Variants in MGAT4C observed in about 807,000 individuals in gnomAD.
MGAT4C encodes MGAT4 family member C.
MGAT4C carries 19 observed loss-of-function variants against 40.1 expected under a neutral mutation model. That is an observed-to-expected ratio of 0.47 (90% CI 0.33 to 0.70). The LOEUF is 0.70. Among genes scored for constraint, MGAT4C ranks in the 30% least tolerant of loss-of-function variants. The pLI, the probability that MGAT4C is intolerant of heterozygous loss-of-function variation, is 0.02. For synonymous variants in MGAT4C, 181 were observed against 187.1 expected (o/e 0.97, Z 0.27); for missense variants, 491 against 563.2 (o/e 0.87, Z 1.30).
At chr12:86,791,864 C>A (rs749473524) in intron 1 of MGAT4C, among the ~76,000 whole-genome samples, 2 of 152,140 alleles carry the variant, frequency 1.3e-5, no homozygotes, top group Non-Finnish European at 2.9e-5. Context: ...AGAGAAGAAC[C>A]CAACTTCATG....
chr12:86,326,241 A>G (rs969899173), intron 4 of MGAT4C, among the ~76,000 whole-genome samples: 3 of 151,840 alleles, frequency 2.0e-5, no homozygotes, highest in Non-Finnish European at 4.4e-5. Context: ...GACTATAGTT[A>G]ATAATGTAGT....
chr12:86,539,465 A>G (rs1959135307), intron 2 of MGAT4C, among the ~76,000 whole-genome samples: 2 of 152,186 alleles, frequency 1.3e-5, no homozygotes, highest in African/African-American at 4.8e-5. Context: ...GCCATTGTGA[A>G]TAGTGCCGCA....
At chr12:86,152,312 G>T (rs1458941738) in intron 1 of MGAT4C, among the ~76,000 whole-genome samples, 1 of 152,220 alleles carries the variant, frequency 6.6e-6, no homozygotes, top group Admixed American at 6.5e-5. Flanking sequence ...CAGGTTCAGT[G>T]TCTGGTGAGA....
At chr12:86,533,745 AC>A (rs1044794053) in intron 2 of MGAT4C, among the ~76,000 whole-genome samples, 2 of 151,530 alleles carry the variant, frequency 1.3e-5, no homozygotes, top group Non-Finnish European at 2.9e-5. Context: ...TGACTGATGG[AC>A]CCCCCTTTAG....
intron 2 of MGAT4C, among the ~76,000 whole-genome samples, chr12:86,008,211 G>A (rs1159885771): frequency 1.3e-5 from 2 of 151,828 alleles, no homozygotes; most frequent in Non-Finnish European, 2.9e-5. Flanking sequence ...AATTTCTACT[G>A]AAAAACTATT....
intron 2 of MGAT4C, among the ~76,000 whole-genome samples, chr12:86,626,111 T>C (rs894301768): frequency 6.6e-6 from 1 of 152,196 alleles, no homozygotes; most frequent in Non-Finnish European, 1.5e-5. Context: ...CTATGCTAGA[T>C]AAAGTTTTGA....
At position 86,240,034 on chromosome 12, in the gene MGAT4C, AAAAATAAAAAAT is replaced by A. The variant is rs1450343817; in HGVS notation, c.-57+16193_-57+16204del. 3.5e-4 allele frequency among the ~76,000 whole-genome samples: 12 copies of A among 34,634 alleles called. No homozygotes were observed. The East Asian group carries it at 0.016, about 45-fold the overall frequency. The allele number at this position is 34,634 out of a possible 152,430, so 22.7% of individuals were successfully genotyped here. ...TAAAACTTAGAGTATAATAAAAAAA[AAAAATAAAAAAT>A]AAAATAAAATAAAATAAAATTATAT... On this transcript the variant is annotated intron_variant, in intron 1 of 4. Coordinates refer to ENST00000611864, the MANE Select transcript of MGAT4C (RefSeq NM_001351288.2).
chr12:86,223,493 A>T (rs1370096518), intron 1 of MGAT4C, among the ~76,000 whole-genome samples: 1 of 151,806 alleles, frequency 6.6e-6, no homozygotes, highest in East Asian at 1.9e-4. Flanking sequence ...AAACCACATG[A>T]CCCACAGCTA....
chr12:86,540,977 C>T (rs973270601), intron 2 of MGAT4C, among the ~76,000 whole-genome samples: 1 of 152,042 alleles, frequency 6.6e-6, no homozygotes, highest in Non-Finnish European at 1.5e-5. Context: ...TTTTACTTGG[C>T]CTATCCTTAC....
intron 1 of MGAT4C, among the ~76,000 whole-genome samples, chr12:86,253,116 T>A (rs61949047): frequency 0.085 from 12,919 of 152,010 alleles, 772 homozygotes; most frequent in Middle Eastern, 0.22. Flanking sequence ...CTATTTCCCA[T>A]AAAGTTTTTG....
chr12:86,186,292 C>A (rs187245324), intron 1 of MGAT4C, among the ~76,000 whole-genome samples: 5 of 152,212 alleles, frequency 3.3e-5, no homozygotes, highest in Admixed American at 6.5e-5. Context: ...TTCAAGCTAG[C>A]ACCAATCCCA....
At chr12:86,109,082 T>C (rs1323370100) in intron 1 of MGAT4C, among the ~76,000 whole-genome samples, 1 of 152,158 alleles carries the variant, frequency 6.6e-6, no homozygotes, top group Non-Finnish European at 1.5e-5. Flanking sequence ...ATCTACAACA[T>C]GGGATTTAAA....
chr12:86,506,680 C>T (rs1354361154), intron 2 of MGAT4C, among the ~76,000 whole-genome samples: 1 of 152,134 alleles, frequency 6.6e-6, no homozygotes, highest in East Asian at 1.9e-4. Flanking sequence ...AGCTTAACCA[C>T]ATAGATATAT....
At chr12:86,603,779 CTATATAA>C (rs1368941333) in intron 2 of MGAT4C, among the ~76,000 whole-genome samples, 2 of 46,578 alleles carry the variant, frequency 4.3e-5, no homozygotes, top group African/African-American at 1.1e-4. Flanking sequence ...ATTATATATA[CTATATAA>C]TATATAGTAT....
chr12:86,269,454 C>G (rs1952887177), intron 4 of MGAT4C, among the ~76,000 whole-genome samples: 2 of 151,646 alleles, frequency 1.3e-5, no homozygotes, highest in African/African-American at 4.8e-5. Flanking sequence ...TCCAATTTAA[C>G]TACAGTCATA....
intron 2 of MGAT4C, among the ~76,000 whole-genome samples, chr12:86,573,756 CT>C (rs1960457530): frequency 6.6e-6 from 1 of 151,926 alleles, no homozygotes; most frequent in Admixed American, 6.6e-5. Flanking sequence ...TTTAAATTGG[CT>C]TGTTAGAATT....
intron 4 of MGAT4C, among the ~76,000 whole-genome samples, chr12:86,322,652 A>T (rs1389091007): frequency 1.3e-5 from 2 of 151,938 alleles, no homozygotes; most frequent in African/African-American, 4.8e-5. Context: ...TTACTTTGTT[A>T]TAATTCATTG....
intron 4 of MGAT4C, among the ~76,000 whole-genome samples, chr12:86,265,189 C>G (rs1329598420): frequency 6.6e-6 from 1 of 152,106 alleles, no homozygotes; most frequent in Non-Finnish European, 1.5e-5. Context: ...TGCTCCACGC[C>G]TGGCTCACCC....
chr12:86,767,097 A>G (rs1951524227), intron 1 of MGAT4C, among the ~76,000 whole-genome samples: 1 of 152,136 alleles, frequency 6.6e-6, no homozygotes, highest in African/African-American at 2.4e-5. Flanking sequence ...TTTTGAAAAG[A>G]TCAACAAAAT....
Sources: gnomAD v4.1 joint callset for allele counts (sites outside exome capture counted in the v4.1 genomes callset) on GRCh38, gnomAD v4.1.1 for gene constraint, MANE v1.5 for transcripts, NCBI Gene and HGNC (gene_info 2026-07-23, HGNC 2026-07-21) for gene names.